HECA: variants seen among roughly 807,000 people sequenced by gnomAD.
The protein encoded by HECA is headcase protein homolog.
Under a neutral mutation model 37.6 loss-of-function variants are expected in HECA, and 13 were observed. That is an observed-to-expected ratio of 0.35 (90% CI 0.23 to 0.55). The LOEUF is 0.55. HECA is among the 20% of genes least tolerant of loss of function. HECA has a pLI of 0.90. For missense variants in HECA, 527 were observed against 701.9 expected (o/e 0.75, Z 2.82); for synonymous variants, 307 against 291.5 (o/e 1.05, Z -0.54).
chr6:139,158,241 G>T (rs1053225056), intron 1 of HECA, among the ~76,000 whole-genome samples: 3 of 151,952 alleles, frequency 2.0e-5, no homozygotes, highest in African/African-American at 4.8e-5. Flanking sequence ...GGTGGCTCAT[G>T]CCTGTAATCC....
At chr6:139,157,272 C>T (rs1774730532) in intron 1 of HECA, among the ~76,000 whole-genome samples, 1 of 152,200 alleles carries the variant, frequency 6.6e-6, no homozygotes, top group Non-Finnish European at 1.5e-5. Context: ...GGCTCCTTTA[C>T]TGCAATCTGT....
chr6:139,135,372 A>G lies in HECA; in HGVS notation c.-25A>G. ...GGATCCGCCTTCGCTGACGCCGGGC[A>G]CCTACCTGGACGCGAGCGAGCGAGA... is the stretch of plus-strand genomic sequence containing the variant. On this transcript the variant is annotated 5_prime_UTR_variant, in exon 1 of 4. Transcript: ENST00000367658. 1 of 1,334,182 alleles carries G rather than the reference A, an allele frequency of 7.5e-7. No individual in the cohort carries two copies. Among genetic ancestry groups the G allele is most frequent in the African/African-American group, 1.6e-5 (1 of 64,190 alleles). 82.6% of individuals were successfully genotyped at this position (1,334,182 alleles called of 1,614,324 possible). A position where few individuals can be genotyped will look rare whatever the true frequency, so the allele number is the denominator to read the frequency against.
intron 1 of HECA, among the ~76,000 whole-genome samples, chr6:139,163,052 C>T (rs1774829329): frequency 6.6e-6 from 1 of 152,214 alleles, no homozygotes; most frequent in Admixed American, 6.5e-5. Flanking sequence ...CCCGCTGGAG[C>T]TGTTCTCCGT....
At chr6:139,147,057 C>T (rs950497561) in intron 1 of HECA, among the ~76,000 whole-genome samples, 2 of 152,142 alleles carry the variant, frequency 1.3e-5, no homozygotes, top group African/African-American at 4.8e-5. Flanking sequence ...TCAGGTGTGA[C>T]ACCTGCAGTC....
At position 139,166,418 on chromosome 6, in the gene HECA, G is replaced by C. The variant is rs775294086; in HGVS notation, c.406G>C (p.Glu136Gln). 1 of 1,614,106 alleles carries C rather than the reference G, an allele frequency of 6.2e-7. No individual in the cohort carries two copies. Among genetic ancestry groups the C allele is most frequent in the Non-Finnish European group, 8.5e-7 (1 of 1,180,052 alleles). The change falls in exon 2 of 4, where the codon GAG becomes CAG. Residue 136 changes from glutamate (E) to glutamine (Q), a missense_variant. Glu to Gln is a conservative substitution (Grantham distance 29). Coordinates refer to ENST00000367658, the MANE Select transcript of HECA (RefSeq NM_016217.3). The stretch of plus-strand genomic sequence containing the variant: ...CTGGATGCACCTGCAGTGCTTCTAC[G>C]AGTGGGAGAGCAGCATCCTCGTCCA... ...STWMHLQCFY[E>Q]WESSILVQFN...
intron 2 of HECA, among the ~76,000 whole-genome samples, chr6:139,173,632 G>A (rs949675309): frequency 3.3e-5 from 5 of 152,166 alleles, no homozygotes; most frequent in Admixed American, 2.0e-4. Context: ...GTTATACGTT[G>A]CCTGGGCAGA....
At chr6:139,136,760 G>A (rs1774452455) in intron 1 of HECA, among the ~76,000 whole-genome samples, 1 of 151,736 alleles carries the variant, frequency 6.6e-6, no homozygotes, top group Non-Finnish European at 1.5e-5. Context: ...TCAGCCTCCC[G>A]AGTAGCTGGG....
At chr6:139,169,672 C>T (rs1413422672) in intron 2 of HECA, 1 of 152,182 alleles carries the variant, frequency 6.6e-6, no homozygotes, top group Non-Finnish European at 1.5e-5. Flanking sequence ...AATGGCTTGT[C>T]TGTGTTCCAT....
intron 1 of HECA, among the ~76,000 whole-genome samples, chr6:139,161,488 T>G (rs771500068): frequency 5.9e-5 from 9 of 152,152 alleles, no homozygotes; most frequent in Non-Finnish European, 8.8e-5. Flanking sequence ...ACAGCTGTGG[T>G]ACCTTGTCTG....
intron 2 of HECA, chr6:139,170,194 C>T (rs533536680): frequency 6.6e-6 from 1 of 152,164 alleles, no homozygotes; most frequent in Non-Finnish European, 1.5e-5. Context: ...AATATGGGTA[C>T]AGCAGATATG....
At position 139,166,690 on chromosome 6, in the gene HECA, GC is replaced by G; in HGVS notation, c.683del (p.Pro228GlnfsTer71). The stretch of plus-strand genomic sequence containing the variant: ...CGGCGGAGGAGGCAAAAAAGTGCAG[GC>G]CCCCAAATAAGCCCCAGAAAGGCCC... Reference protein sequence around the residue: ...EAAEEAKKCRPPNKPQKGPSH... With the variant: ...EAAEEAKKCRXPNKPQKGPSH... On this transcript the variant is annotated frameshift_variant, in exon 2 of 4. Coordinates refer to ENST00000367658, the MANE Select transcript of HECA (RefSeq NM_016217.3). LOFTEE classifies it high-confidence loss of function. 2 of 1,612,608 alleles carry G rather than the reference GC, an allele frequency of 1.2e-6. No individual in the cohort carries two copies. The highest frequency in any genetic ancestry group is 1.7e-6 in the Non-Finnish European group (2 of 1,179,334).
At chr6:139,160,950 A>G (rs1774791763) in intron 1 of HECA, among the ~76,000 whole-genome samples, 1 of 152,192 alleles carries the variant, frequency 6.6e-6, no homozygotes, top group Non-Finnish European at 1.5e-5. Context: ...AAACTGCTCA[A>G]TGTCAAACAA....
chr6:139,155,712 A>G (rs957319939), intron 1 of HECA: 39 of 152,200 alleles, frequency 2.6e-4, no homozygotes, highest in African/African-American at 8.2e-4. Context: ...TTTTCGTGCT[A>G]GGATGCTGTG....
rs1407535543 is a variant in HECA, at chr6:139,167,152, G to A, written c.1140G>A (p.Leu380=). 1.9e-6 allele frequency: 3 copies of A among 1,614,170 alleles called. No individual in the cohort carries two copies. The East Asian group carries it at 6.7e-5, about 36-fold the overall frequency. The change falls in exon 2 of 4, where the codon TTG becomes TTA. Residue 380 remains leucine (L), a synonymous_variant. Transcript: ENST00000367658. ...DDAQVGQGED[L]RKFILAALSA... ...CCCAAGTGGGCCAGGGGGAAGACTT[G>A]CGGAAGTTCATTCTGGCCGCGCTCA... is the stretch of plus-strand genomic sequence containing the variant.
intron 1 of HECA, among the ~76,000 whole-genome samples, chr6:139,137,513 C>T (rs1033769829): frequency 2.4e-4 from 37 of 152,048 alleles, no homozygotes; most frequent in African/African-American, 8.5e-4. Flanking sequence ...TTGCAAGTAC[C>T]GTGTTCAATA....
chr6:139,174,701 A>G, intron 3 of HECA, 162 bp downstream of exon 3: 1 of 984,638 alleles, frequency 1.0e-6, no homozygotes, highest in African/African-American at 1.6e-5. Context: ...CTATTCAGTC[A>G]TTAAAAGGAA....
intron 1 of HECA, among the ~76,000 whole-genome samples, chr6:139,150,276 T>G (rs1397152352): frequency 6.6e-6 from 1 of 152,218 alleles, no homozygotes; most frequent in Non-Finnish European, 1.5e-5. Flanking sequence ...ACTGGTCATG[T>G]GTATGTATCA....
intron 1 of HECA, among the ~76,000 whole-genome samples, chr6:139,151,609 G>A (rs759969728): frequency 6.6e-6 from 1 of 152,086 alleles, no homozygotes; most frequent in African/African-American, 2.4e-5. Context: ...TGACTTTCTT[G>A]TCATTATTTT....
Position 139,135,410 on chromosome 6 carries a change from A to T in HECA, c.14A>T (p.Lys5Ile). ...CGAGCGAGCGAGATGCCCAACCCCAAAAACAGCAAAGGCGGCCGCAAAAAC... is the reference window on the plus strand; with the variant it reads ...CGAGCGAGCGAGATGCCCAACCCCATAAACAGCAAAGGCGGCCGCAAAAAC... MPNP[K>I]NSKGGRKNKR... The change falls in exon 1 of 4, where the codon AAA becomes ATA. Residue 5 changes from lysine to isoleucine, a missense_variant. Lys to Ile is a moderately radical substitution (Grantham distance 102). Around this residue, in one of 4 missense-constraint regions of HECA, gnomAD observed 172 missense variants for 197.6 expected, o/e 0.87. Transcript: ENST00000367658. 1 of 1,374,256 alleles carries T rather than the reference A, an allele frequency of 7.3e-7. No homozygotes were observed. The highest frequency in any genetic ancestry group is 9.6e-7 in the Non-Finnish European group (1 of 1,041,872). 85.1% of individuals were successfully genotyped at this position (1,374,256 alleles called of 1,614,324 possible).
Sources: allele counts gnomAD v4.1 joint callset (sites outside exome capture counted in the v4.1 genomes callset), GRCh38; gene constraint gnomAD v4.1.1; regional missense constraint gnomAD v4.1.1; transcripts MANE v1.5; gene names NCBI Gene and HGNC (gene_info 2026-07-23, HGNC 2026-07-21).